PPM1L: variants seen among roughly 807,000 people sequenced by gnomAD.
PPM1L encodes protein phosphatase 1L.
PPM1L carries 13 observed loss-of-function variants against 31.4 expected under a neutral mutation model. The ratio of observed to expected loss-of-function variants is 0.41; its 90% confidence interval spans 0.27 to 0.66. The LOEUF (loss-of-function observed/expected upper bound fraction) is 0.66, where lower values mean the gene tolerates loss of function less well. Ranked by LOEUF, PPM1L falls within the 30% of genes least tolerant of loss-of-function variation. The pLI is 0.29. For synonymous variants in PPM1L, 184 were observed against 175.4 expected (o/e 1.05, Z -0.39); for missense variants, 326 against 453.7 (o/e 0.72, Z 2.56).
At chr3:161,068,762 A>G (rs1719820109) in intron 3 of PPM1L, 49 bp from the exon 4 acceptor site, 2 of 1,479,062 alleles carry the variant, frequency 1.4e-6, no homozygotes, top group African/African-American at 2.8e-5. Flanking sequence ...TATCCCAGGT[A>G]AGTGAGATAT....
At chr3:160,904,223 C>T (rs894650305) in intron 1 of PPM1L, among the ~76,000 whole-genome samples, 16 of 152,162 alleles carry the variant, frequency 1.1e-4, no homozygotes, top group Non-Finnish European at 1.6e-4. Context: ...GCAGGTTTTG[C>T]GATTTTACTC....
At chr3:160,936,313 A>C (rs1435144928) in intron 1 of PPM1L, among the ~76,000 whole-genome samples, 2 of 152,078 alleles carry the variant, frequency 1.3e-5, no homozygotes, top group Non-Finnish European at 2.9e-5. Context: ...GGCTGGTCTC[A>C]AACTCCTAAC....
At position 160,770,161 on chromosome 3, in the gene PPM1L, C is replaced by G. The variant is rs371862057; in HGVS notation, c.399+13454C>G. Among the ~76,000 whole-genome samples the G allele has an allele frequency of 1.5e-4, 23 of 151,320 alleles. 1 individual carries two copies. The South Asian group carries it at 4.8e-3, about 31-fold the overall frequency. ...TTCTCTCTCTACTTTCTTTTCTTTT[C>G]TTTTTTAAAAAGATATGCCATTATA... is the stretch of plus-strand genomic sequence containing the variant. On this transcript the variant is annotated intron_variant, in intron 1 of 3. Coordinates refer to ENST00000498165, the MANE Select transcript of PPM1L (RefSeq NM_139245.4).
At chr3:160,779,940 T>C (rs1711687295) in intron 1 of PPM1L, among the ~76,000 whole-genome samples, 1 of 152,124 alleles carries the variant, frequency 6.6e-6, no homozygotes, top group Non-Finnish European at 1.5e-5. Context: ...ATGTACCTCA[T>C]AGGACTGTTA....
intron 2 of PPM1L, among the ~76,000 whole-genome samples, chr3:161,061,381 G>T (rs1306109494): frequency 6.6e-6 from 1 of 152,210 alleles, no homozygotes; most frequent in Non-Finnish European, 1.5e-5. Context: ...AGGCAGGATA[G>T]TCCTGAAAAC....
intron 2 of PPM1L, among the ~76,000 whole-genome samples, chr3:160,974,930 G>C (rs1716512187): frequency 6.6e-6 from 1 of 151,794 alleles, no homozygotes; most frequent in Non-Finnish European, 1.5e-5. Context: ...TGGTGTTTTA[G>C]ACATGAAGTC....
intron 2 of PPM1L, among the ~76,000 whole-genome samples, chr3:161,016,001 T>A (rs1718077172): frequency 6.6e-6 from 1 of 152,158 alleles, no homozygotes; most frequent in African/African-American, 2.4e-5. Flanking sequence ...GGCCTGGGTG[T>A]TCCTGAGAAC....
chr3:161,028,915 A>G (rs1718482259), intron 2 of PPM1L, among the ~76,000 whole-genome samples: 1 of 152,210 alleles, frequency 6.6e-6, no homozygotes, highest in Non-Finnish European at 1.5e-5. Context: ...TGTGGTCAGT[A>G]TGGATTCAGG....
At chr3:160,790,670 C>A (rs1445216102) in intron 1 of PPM1L, among the ~76,000 whole-genome samples, 1 of 152,002 alleles carries the variant, frequency 6.6e-6, no homozygotes, top group Non-Finnish European at 1.5e-5. Flanking sequence ...GGTTACATTA[C>A]TTAGGAATGC....
intron 2 of PPM1L, among the ~76,000 whole-genome samples, chr3:160,984,631 G>A (rs1233993723): frequency 6.6e-6 from 1 of 152,154 alleles, no homozygotes; most frequent in Non-Finnish European, 1.5e-5. Context: ...CACAATTTAT[G>A]TTCTTCTGCC....
At chr3:160,957,064 A>G (rs773271380) in intron 1 of PPM1L, among the ~76,000 whole-genome samples, 10 of 152,358 alleles carry the variant, frequency 6.6e-5, no homozygotes, top group Non-Finnish European at 1.3e-4. Context: ...TGTTCAAGTT[A>G]GGTTAGGCAA....
Position 160,883,909 on chromosome 3 carries a change from T to TA in PPM1L, c.400-77817dup, listed in dbSNP as rs538975925. 3.7e-3 allele frequency among the ~76,000 whole-genome samples: 544 copies of TA among 147,884 alleles called. 4 individuals carry two copies. The highest frequency in any genetic ancestry group is 0.013 in the African/African-American group (506 of 40,192). On this transcript the variant is annotated intron_variant, in intron 1 of 3. Coordinates refer to ENST00000498165, the MANE Select transcript of PPM1L (RefSeq NM_139245.4). ...AAAAAAAAAAAAAAAAATTAAAAAT[T>TA]AAAAAAAAAATCTATCCAGGCATGG...
At chr3:160,993,150 A>G (rs373682904) in intron 2 of PPM1L, among the ~76,000 whole-genome samples, 1 of 152,000 alleles carries the variant, frequency 6.6e-6, no homozygotes, top group Admixed American at 6.5e-5. Flanking sequence ...TAGGTTAATC[A>G]TTCAGTAATT....
At chr3:160,877,236 T>C (rs1352446772) in intron 1 of PPM1L, among the ~76,000 whole-genome samples, 1 of 152,234 alleles carries the variant, frequency 6.6e-6, no homozygotes, top group East Asian at 1.9e-4. Context: ...TCTTTTTGAA[T>C]AGCTTGATTT....
intron 1 of PPM1L, among the ~76,000 whole-genome samples, chr3:160,817,757 T>TAGAAGAC: frequency 6.6e-6 from 1 of 152,086 alleles, no homozygotes; most frequent in South Asian, 2.1e-4. Flanking sequence ...GTGCCATTGA[T>TAGAAGAC]AGAAGACAGA....
chr3:161,029,879 A>T (rs950031835), intron 2 of PPM1L, among the ~76,000 whole-genome samples: 2 of 152,146 alleles, frequency 1.3e-5, no homozygotes, highest in African/African-American at 4.8e-5. Context: ...AAATGACATG[A>T]CTTCATTATA....
rs1719841633 is a variant in PPM1L, at chr3:161,069,358, T to C, written c.*201T>C. 1 of 570,542 alleles carries C rather than the reference T, an allele frequency of 1.8e-6. No homozygotes were observed. The highest frequency in any genetic ancestry group is 3.4e-5 in the Admixed American group (1 of 29,552). The allele number at this position is 570,542 out of a possible 1,614,324, so 35.3% of individuals were successfully genotyped here. A position where few individuals can be genotyped will look rare whatever the true frequency, so the allele number is the denominator to read the frequency against. Reference sequence around the variant, plus strand: ...ATGTAGTTAAGAAACTGGAAAATGGTTTCTTCATGTTTTCCCAACTCTTTC... The same window carrying C: ...ATGTAGTTAAGAAACTGGAAAATGGCTTCTTCATGTTTTCCCAACTCTTTC... On this transcript the variant is annotated 3_prime_UTR_variant, in exon 4 of 4. Coordinates refer to ENST00000498165, the MANE Select transcript of PPM1L (RefSeq NM_139245.4).
intron 1 of PPM1L, among the ~76,000 whole-genome samples, chr3:160,955,319 T>A (rs999435857): frequency 6.6e-6 from 1 of 152,086 alleles, no homozygotes; most frequent in Non-Finnish European, 1.5e-5. Flanking sequence ...CCTTCTTTTT[T>A]AAATTATTTT....
intron 1 of PPM1L, among the ~76,000 whole-genome samples, chr3:160,765,170 G>T (rs531391581): frequency 1.3e-5 from 2 of 152,300 alleles, no homozygotes; most frequent in South Asian, 4.1e-4. Context: ...TGTAGGTGTA[G>T]AAATTAAGGC....
Sources: allele counts gnomAD v4.1 joint callset (sites outside exome capture counted in the v4.1 genomes callset), GRCh38; gene constraint gnomAD v4.1.1; transcripts MANE v1.5; gene names NCBI Gene and HGNC (gene_info 2026-07-23, HGNC 2026-07-21).